Variants in ESRRB observed in about 807,000 individuals in gnomAD.
ESRRB encodes the protein steroid hormone receptor ERR2.
ESRRB carries 16 observed loss-of-function variants against 46.0 expected under a neutral mutation model. The observed-to-expected ratio is 0.35, with a 90% confidence interval of 0.24 to 0.53. ESRRB has a LOEUF of 0.53. Among genes scored for constraint, ESRRB ranks in the 20% least tolerant of loss-of-function variants. ESRRB has a pLI of 0.93. For synonymous variants in ESRRB, 246 were observed against 259.6 expected (o/e 0.95, Z 0.50); for missense variants, 488 against 607.4 (o/e 0.80, Z 2.07).
chr14:76,416,763 CT>C (rs1275437191), intron 1 of ESRRB, among the ~76,000 whole-genome samples: 3 of 152,170 alleles, frequency 2.0e-5, no homozygotes, highest in African/African-American at 7.2e-5. Flanking sequence ...GCCACTATTC[CT>C]GGCCCATCTC....
At chr14:76,372,230 T>C (rs1253053094), upstream of ESRRB, among the ~76,000 whole-genome samples, 1 of 152,152 alleles carries the variant, frequency 6.6e-6, no homozygotes, top group Non-Finnish European at 1.5e-5. Flanking sequence ...TACTCAGTGC[T>C]TTTTGTACCC....
At chr14:76,425,001 G>A (rs1887136511) in intron 1 of ESRRB, among the ~76,000 whole-genome samples, 1 of 152,120 alleles carries the variant, frequency 6.6e-6, no homozygotes, top group South Asian at 2.1e-4. Context: ...CCTCCCTGAG[G>A]CTCACACCTG....
chr14:76,342,770 A>G (rs982974776), intron 1 of ESRRB, among the ~76,000 whole-genome samples: 2 of 152,220 alleles, frequency 1.3e-5, no homozygotes, highest in Non-Finnish European at 2.9e-5. Context: ...AACTTGACAA[A>G]TAATAACTGA....
chr14:76,353,685 C>T (rs1884340808), intron 1 of ESRRB, among the ~76,000 whole-genome samples: 1 of 152,196 alleles, frequency 6.6e-6, no homozygotes, highest in South Asian at 2.1e-4. Flanking sequence ...GGTGTGGTGG[C>T]TCATGCCTGT....
At chr14:76,375,190 G>T (rs1884721719), upstream of ESRRB, among the ~76,000 whole-genome samples, 1 of 151,128 alleles carries the variant, frequency 6.6e-6, no homozygotes. Flanking sequence ...TCATCAAATT[G>T]ATTATTATCC....
intron 2 of ESRRB, among the ~76,000 whole-genome samples, chr14:76,441,942 G>C (rs749311876): frequency 1.3e-5 from 2 of 152,184 alleles, no homozygotes; most frequent in South Asian, 2.1e-4. Context: ...GCTTCCCCGG[G>C]ATGATTCTGT....
chr14:76,369,613 G>C (rs1164636877), upstream of ESRRB, among the ~76,000 whole-genome samples: 2 of 151,838 alleles, frequency 1.3e-5, no homozygotes, highest in African/African-American at 4.8e-5. Flanking sequence ...AGCATTTGCT[G>C]GTTTTTTTTC....
rs750933611 is a variant in ESRRB, at chr14:76,499,119, C to T, written c.*661C>T. On this transcript the variant is annotated 3_prime_UTR_variant, in exon 7 of 7. Transcript: ENST00000644823. ...CCCCCCTGCCTGTCACCCACCGCGC[C>T]GGTGTCCACCTGTCCTCCTCCTCTT... The T allele has an allele frequency of 1.5e-5, 5 of 329,900 alleles. No individual in the cohort carries two copies. Among genetic ancestry groups the T allele is most frequent in the Non-Finnish European group, 2.4e-5 (4 of 168,576 alleles). 20.4% of individuals were successfully genotyped at this position (329,900 alleles called of 1,614,324 possible).
rs575405958 is a variant in ESRRB, at chr14:76,499,578, A to G, written c.*1120A>G. The G allele has an allele frequency of 1.2e-5, 6 of 507,810 alleles. No homozygotes were observed. The highest frequency in any genetic ancestry group is 5.8e-5 in the African/African-American group (3 of 52,102). The allele number at this position is 507,810 out of a possible 1,614,324, so 31.5% of individuals were successfully genotyped here. On this transcript the variant is annotated 3_prime_UTR_variant, in exon 7 of 7. Coordinates refer to ENST00000644823, the MANE Select transcript of ESRRB (RefSeq NM_001379180.1). ...CAGCATCATGCCACAGGGCTAGTGTACCAGTGCCACAGGAGGGGTGCCCTC... is the reference window on the plus strand; with the variant it reads ...CAGCATCATGCCACAGGGCTAGTGTGCCAGTGCCACAGGAGGGGTGCCCTC...
chr14:76,366,370 G>A (rs1465644172), upstream of ESRRB, among the ~76,000 whole-genome samples: 2 of 152,160 alleles, frequency 1.3e-5, no homozygotes, highest in Non-Finnish European at 2.9e-5. Flanking sequence ...GACACAGCTG[G>A]GTGAGGAAGT....
intron 2 of ESRRB, among the ~76,000 whole-genome samples, chr14:76,461,178 A>G (rs1178612220): frequency 1.3e-5 from 2 of 152,226 alleles, no homozygotes; most frequent in East Asian, 3.8e-4. Flanking sequence ...CAACCCTCCC[A>G]GGAAGAGCGC....
intron 2 of ESRRB, among the ~76,000 whole-genome samples, chr14:76,451,912 TACAGGCGTCTGCCACTGCG>T (rs1293692062): frequency 1.3e-5 from 2 of 150,550 alleles, no homozygotes; most frequent in Non-Finnish European, 3.0e-5. Flanking sequence ...GTGCAGGGAT[TACAGGCGTCTGCCACTGCG>T]CCCAGCAGGA....
intron 6 of ESRRB, among the ~76,000 whole-genome samples, chr14:76,497,716 G>A (rs1890486465): frequency 6.6e-6 from 1 of 152,162 alleles, no homozygotes; most frequent in South Asian, 2.1e-4. Flanking sequence ...AGCTGCAGTG[G>A]TTGTCATGGT....
At chr14:76,491,345 A>T in intron 5 of ESRRB, 102 bp from the exon 6 acceptor site, 1 of 1,248,692 alleles carries the variant, frequency 8.0e-7, no homozygotes, top group Non-Finnish European at 1.1e-6. Flanking sequence ...GACACCCCGC[A>T]ACCAGCCACG....
intron 1 of ESRRB, among the ~76,000 whole-genome samples, chr14:76,330,257 G>A (rs371081464): frequency 5.3e-5 from 8 of 152,152 alleles, no homozygotes; most frequent in African/African-American, 1.9e-4. Context: ...TCAGTGATGT[G>A]GGATGGGGTC....
chr14:76,496,089 C>T (rs915248101), intron 6 of ESRRB, among the ~76,000 whole-genome samples: 3 of 152,204 alleles, frequency 2.0e-5, no homozygotes, highest in Non-Finnish European at 4.4e-5. Flanking sequence ...AGAACAGCAG[C>T]TCATTGTGAA....
At chr14:76,335,711 G>A (rs1000104613) in intron 1 of ESRRB, among the ~76,000 whole-genome samples, 2 of 152,056 alleles carry the variant, frequency 1.3e-5, no homozygotes, top group Non-Finnish European at 2.9e-5. Context: ...TTCTCTTCCC[G>A]CCCCTCACCA....
intron 5 of ESRRB, among the ~76,000 whole-genome samples, chr14:76,487,892 C>T (rs996622805): frequency 2.0e-5 from 3 of 152,200 alleles, no homozygotes; most frequent in Non-Finnish European, 2.9e-5. Flanking sequence ...CGTGAGCCAC[C>T]GTGCCTGGCC....
chr14:76,468,326 T>C (rs576967704), intron 3 of ESRRB, among the ~76,000 whole-genome samples: 1 of 151,950 alleles, frequency 6.6e-6, no homozygotes, highest in Non-Finnish European at 1.5e-5. Flanking sequence ...GGTATTGAGC[T>C]ACAGCCTGAG....
Sources: gnomAD v4.1 joint callset for allele counts (sites outside exome capture counted in the v4.1 genomes callset) on GRCh38, gnomAD v4.1.1 for gene constraint, MANE v1.5 for transcripts, NCBI Gene and HGNC (gene_info 2026-07-23, HGNC 2026-07-21) for gene names.